The following RASA1 variants were observed in gnomAD, a reference collection of about 807,000 sequenced individuals.
The protein encoded by RASA1 is RAS p21 protein activator 1.
RASA1 carries 25 observed loss-of-function variants against 132.2 expected under a neutral mutation model. The ratio of observed to expected loss-of-function variants is 0.19; its 90% CI spans 0.14 to 0.26. The LOEUF is 0.26. RASA1 is among the 10% of genes least tolerant of loss of function. The probability of loss-of-function intolerance (pLI) is 1.00; values close to 1 mark genes in which losing one functional copy is unlikely to be tolerated. For synonymous variants in RASA1, 477 were observed against 449.9 expected (o/e 1.06, Z -0.76); for missense variants, 964 against 1,299.2 (o/e 0.74, Z 3.97).
At chr5:87,349,509 C>A in intron 8 of RASA1, 145 bp downstream of exon 8, 1 of 941,594 alleles carries the variant, frequency 1.1e-6, no homozygotes, top group Non-Finnish European at 1.6e-6. Context: ...AGTAGTCATG[C>A]CCAAGAATTC....
intron 1 of RASA1, among the ~76,000 whole-genome samples, chr5:87,314,740 T>TA (rs1031605229): frequency 1.8e-4 from 27 of 146,924 alleles, no homozygotes; most frequent in East Asian, 9.8e-4. Context: ...GATGGTCATT[T>TA]AAAAAAAAAA....
At chr5:87,270,336 G>GTT (rs746245930) in intron 1 of RASA1, among the ~76,000 whole-genome samples, 3 of 141,580 alleles carry the variant, frequency 2.1e-5, no homozygotes, top group Admixed American at 7.1e-5. Flanking sequence ...CAATTCAGAG[G>GTT]TTTTTTTTTT....
intron 20 of RASA1, among the ~76,000 whole-genome samples, chr5:87,380,829 TTTAAACCC>T (rs1416788954): frequency 1.3e-5 from 2 of 152,192 alleles, no homozygotes; most frequent in African/African-American, 4.8e-5. Context: ...ATTGGGGATT[TTTAAACCC>T]TTACAAGATG....
intron 7 of RASA1, among the ~76,000 whole-genome samples, chr5:87,347,562 G>A (rs1276381483): frequency 6.6e-6 from 1 of 151,912 alleles, no homozygotes; most frequent in Non-Finnish European, 1.5e-5. Flanking sequence ...ATAGATTCTT[G>A]TGGTGATAAC....
intron 10 of RASA1, 137 bp downstream of exon 10, chr5:87,362,808 A>T: frequency 1.0e-6 from 1 of 973,060 alleles, no homozygotes; most frequent in African/African-American, 1.7e-5. Context: ...CCCATATATA[A>T]GCATTCTTCA....
intron 12 of RASA1, among the ~76,000 whole-genome samples, chr5:87,371,402 A>C (rs911801788): frequency 2.0e-5 from 3 of 152,108 alleles, no homozygotes; most frequent in Non-Finnish European, 4.4e-5. Flanking sequence ...TAATTGAATA[A>C]AGCAATAGTA....
Position 87,271,296 on chromosome 5 carries a change from T to A in RASA1, c.539+2306T>A, listed in dbSNP as rs557351355. Among the ~76,000 whole-genome samples the A allele has an allele frequency of 1.1e-4, 17 of 152,136 alleles. No individual in the cohort carries two copies. In the East Asian group the frequency reaches 3.1e-3, roughly 28 times the overall value. On this transcript the variant is annotated intron_variant, in intron 1 of 24. Coordinates refer to ENST00000274376, the MANE Select transcript of RASA1 (RefSeq NM_002890.3). ...CAGCACTGCTTTTGAAAAAAATAGT[T>A]CAATTTTTATTAAATGCTAATAGCA...
chr5:87,390,919 T>C lies in RASA1; in HGVS notation c.*36T>C. 1 of 1,552,618 alleles carries C rather than the reference T, an allele frequency of 6.4e-7. No individual in the cohort carries two copies. Among genetic ancestry groups the C allele is most frequent in the Non-Finnish European group, 8.9e-7 (1 of 1,124,292 alleles). Reference sequence around the variant, plus strand: ...CCCAGTGTTCTGCATGGATTCAGCATGTCCAACATGGTAATTCACTTCAGT... The same window carrying C: ...CCCAGTGTTCTGCATGGATTCAGCACGTCCAACATGGTAATTCACTTCAGT... On this transcript the variant is annotated 3_prime_UTR_variant, in exon 25 of 25. Coordinates refer to ENST00000274376, the MANE Select transcript of RASA1 (RefSeq NM_002890.3).
At chr5:87,382,554 G>A (rs1471152568) in intron 20 of RASA1, among the ~76,000 whole-genome samples, 1 of 152,120 alleles carries the variant, frequency 6.6e-6, no homozygotes, top group African/African-American at 2.4e-5. Context: ...AATTATTAGT[G>A]TGGATTCTTC....
chr5:87,346,630 A>C, intron 6 of RASA1, 42 bp from the exon 7 acceptor site: 3 of 1,328,292 alleles, frequency 2.3e-6, no homozygotes, highest in Non-Finnish European at 3.2e-6. Context: ...GATAACAGCA[A>C]AAAGGACTTT....
At chr5:87,382,929 T>TA (rs200006864) in intron 20 of RASA1, among the ~76,000 whole-genome samples, 5,196 of 138,714 alleles carry the variant, frequency 0.037, 105 homozygotes, top group Middle Eastern at 0.072. Context: ...CAAAAATAAT[T>TA]AAAAAAAAAA....
intron 1 of RASA1, among the ~76,000 whole-genome samples, chr5:87,308,799 A>G (rs887284375): frequency 5.3e-5 from 8 of 152,150 alleles, no homozygotes; most frequent in African/African-American, 1.2e-4. Flanking sequence ...AAAATTGCCT[A>G]TAGTATTCAG....
chr5:87,281,573 ATTTTTG>A (rs1185895035), intron 1 of RASA1, among the ~76,000 whole-genome samples: 3 of 150,340 alleles, frequency 2.0e-5, no homozygotes, highest in East Asian at 2.0e-4. Context: ...TCTGTTGCCC[ATTTTTG>A]TTTTTGTTTT....
intron 1 of RASA1, among the ~76,000 whole-genome samples, chr5:87,301,915 T>C (rs1755382418): frequency 6.6e-6 from 1 of 152,210 alleles, no homozygotes; most frequent in African/African-American, 2.4e-5. Flanking sequence ...ATTGTGACTA[T>C]ACCAACAGTG....
chr5:87,384,954 C>CATA (rs1289740638), intron 21 of RASA1, among the ~76,000 whole-genome samples: 2 of 151,974 alleles, frequency 1.3e-5, no homozygotes, highest in African/African-American at 4.8e-5. Context: ...TGTGAACTGT[C>CATA]ATAAAAGATG....
At chr5:87,349,767 T>C (rs971882642) in intron 8 of RASA1, among the ~76,000 whole-genome samples, 8 of 151,960 alleles carry the variant, frequency 5.3e-5, no homozygotes, top group African/African-American at 1.9e-4. Context: ...ACAGATGTTA[T>C]CATGTAACTG....
In RASA1 at chr5:87,376,931, T is replaced by C. The variant is rs2112492112; in HGVS notation, c.2235T>C (p.Cys745=). 2 of 1,610,728 alleles carry C rather than the reference T, an allele frequency of 1.2e-6. No homozygotes were observed. Among genetic ancestry groups the C allele is most frequent in the Non-Finnish European group, 1.7e-6 (2 of 1,176,870 alleles). ...TAGTCTATGCTTTATCACATGTATG[T>C]GGACAAGACCGAACACTACTGGCCA... ...LHVVYALSHV[C]GQDRTLLASI... The change falls in exon 17 of 25, where the codon TGT becomes TGC. Residue 745 remains cysteine, a synonymous_variant. Coordinates refer to ENST00000274376, the MANE Select transcript of RASA1 (RefSeq NM_002890.3).
intron 11 of RASA1, among the ~76,000 whole-genome samples, chr5:87,368,631 C>T (rs1306802110): frequency 6.6e-6 from 1 of 152,166 alleles, no homozygotes; most frequent in African/African-American, 2.4e-5. Flanking sequence ...AGGCACAGCC[C>T]TTCAGGGGTC....
At chr5:87,271,452 C>CT (rs201918763) in intron 1 of RASA1, among the ~76,000 whole-genome samples, 1,486 of 38,212 alleles carry the variant, frequency 0.039, 315 homozygotes, top group African/African-American at 0.068. Flanking sequence ...TAGTAGACTT[C>CT]TTTTTTTTTT....
Sources: allele counts gnomAD v4.1 joint callset (sites outside exome capture counted in the v4.1 genomes callset), GRCh38; gene constraint gnomAD v4.1.1; transcripts MANE v1.5; gene names NCBI Gene and HGNC (gene_info 2026-07-23, HGNC 2026-07-21).